Variants in LNPEP observed in about 807,000 individuals in gnomAD.
LNPEP encodes leucyl-cystinyl aminopeptidase.
A neutral mutation model predicts 120.6 loss-of-function variants in LNPEP; 64 were observed. The ratio of observed to expected loss-of-function variants is 0.53; its 90% CI spans 0.43 to 0.65. The LOEUF (loss-of-function observed/expected upper bound fraction) is 0.65. LNPEP is among the 30% of genes least tolerant of loss of function. The probability of loss-of-function intolerance (pLI) is 0.00; values close to 1 mark genes in which losing one functional copy is unlikely to be tolerated. For missense variants in LNPEP, 1,057 were observed against 1,200.0 expected (o/e 0.88, Z 1.76); for synonymous variants, 435 against 425.4 (o/e 1.02, Z -0.28).
chr5:96,994,089 A>AAT, intron 6 of LNPEP, 118 bp downstream of exon 6: 1 of 790,412 alleles, frequency 1.3e-6, no homozygotes, highest in Non-Finnish European at 2.0e-6. Flanking sequence ...CTTCTTTTAT[A>AAT]ATAGAAAGAT....
chr5:96,993,995 G>A (rs879161370), intron 6 of LNPEP, 24 bp downstream of exon 6: 1 of 1,606,312 alleles, frequency 6.2e-7, no homozygotes, highest in South Asian at 1.1e-5. Flanking sequence ...AGGCTGTTCT[G>A]TGTCACACCT....
chr5:97,008,703 T>C (rs983638189), intron 11 of LNPEP, among the ~76,000 whole-genome samples: 2 of 147,030 alleles, frequency 1.4e-5, no homozygotes, highest in African/African-American at 5.1e-5. Flanking sequence ...CTCGCTCTGT[T>C]GCCCAGGTGA....
At chr5:96,972,523 T>C (rs1789891303) in intron 1 of LNPEP, among the ~76,000 whole-genome samples, 1 of 152,090 alleles carries the variant, frequency 6.6e-6, no homozygotes. Context: ...CAGAAAACCT[T>C]GTGCAAACTT....
chr5:96,996,151 T>C, intron 6 of LNPEP: 1 of 316,038 alleles, frequency 3.2e-6, no homozygotes, highest in South Asian at 9.3e-5. Context: ...CTTTCTTGCT[T>C]GTTTCCCATT....
chr5:96,994,937 G>A (rs530378156), intron 6 of LNPEP, among the ~76,000 whole-genome samples: 8 of 152,188 alleles, frequency 5.3e-5, no homozygotes, highest in South Asian at 2.1e-4. Flanking sequence ...GTGAAACCCC[G>A]TCTCTACTAA....
intron 1 of LNPEP, chr5:96,943,168 A>G: frequency 2.0e-6 from 1 of 504,608 alleles, no homozygotes; most frequent in East Asian, 5.7e-5. Context: ...TTGAGGTTGA[A>G]GTCACCATTG....
At chr5:97,027,651 T>C (rs1791377544) in intron 16 of LNPEP, 82 bp from the exon 17 acceptor site, 2 of 873,484 alleles carry the variant, frequency 2.3e-6, no homozygotes, top group Non-Finnish European at 3.8e-6. Context: ...GCTTTGGCAT[T>C]AAAGACTTTT....
chr5:96,944,819 C>A (rs369229617), intron 1 of LNPEP, among the ~76,000 whole-genome samples: 3 of 152,096 alleles, frequency 2.0e-5, no homozygotes, highest in African/African-American at 4.8e-5. Flanking sequence ...TCATCACCCA[C>A]CTCAGCCTCC....
chr5:96,938,807 G>T (rs1006235354), intron 1 of LNPEP, among the ~76,000 whole-genome samples: 4 of 152,136 alleles, frequency 2.6e-5, no homozygotes, highest in African/African-American at 7.2e-5. Flanking sequence ...CTTTGTCCTT[G>T]GGAGGGATTG....
At chr5:96,974,263 G>T (rs1789938621) in intron 1 of LNPEP, among the ~76,000 whole-genome samples, 1 of 152,028 alleles carries the variant, frequency 6.6e-6, no homozygotes. Flanking sequence ...CTTGCCTTTA[G>T]CTCTGGGCAG....
chr5:96,970,199 G>C (rs1241013047), intron 1 of LNPEP, among the ~76,000 whole-genome samples: 1 of 151,938 alleles, frequency 6.6e-6, no homozygotes, highest in Non-Finnish European at 1.5e-5. Flanking sequence ...TTAGTTAATA[G>C]TATTGTTCCG....
At position 97,022,176 on chromosome 5, in the gene LNPEP, G is replaced by A. The variant is rs139313967; in HGVS notation, c.2377-124G>A. On this transcript the variant is annotated intron_variant, in intron 13 of 17. Coordinates refer to ENST00000231368, the MANE Select transcript of LNPEP (RefSeq NM_005575.3). ...ACTCCTGACCTCAGGTGATCTGCCC[G>A]CCCCAGCTTCCCAACGTGCTGGGAT... The A allele has an allele frequency of 2.1e-3, 1,284 of 618,958 alleles. 21 individuals are homozygous for A. In the Admixed American group the frequency reaches 0.034, roughly 16 times the overall value. The allele number at this position is 618,958 out of a possible 1,614,324, so 38.3% of individuals were successfully genotyped here. A position where few individuals can be genotyped will look rare whatever the true frequency, so the allele number is the denominator to read the frequency against.
intron 14 of LNPEP, among the ~76,000 whole-genome samples, chr5:97,022,872 G>C (rs2112669905): frequency 7.0e-6 from 1 of 142,732 alleles, no homozygotes; most frequent in Middle Eastern, 3.8e-3. Flanking sequence ...CCACCTATGA[G>C]TGAGAACATG....
rs1652854478 is a variant in LNPEP at position 96,998,020 on chromosome 5, G to T, written c.1528G>T (p.Asp510Tyr). 3 of 1,562,184 alleles carry T rather than the reference G, an allele frequency of 1.9e-6. No homozygotes were observed. The highest frequency in any genetic ancestry group is 1.4e-5 in the African/African-American group (1 of 72,788). ...KIFKELSSYEDFLDARFKTMK... is the reference protein window; with the variant it reads ...KIFKELSSYEYFLDARFKTMK... ...TCTTTTCATTTTTTGACAGTATGAAGATTTCTTAGATGCTCGATTTAAAAC... is the reference window on the plus strand; with the variant it reads ...TCTTTTCATTTTTTGACAGTATGAATATTTCTTAGATGCTCGATTTAAAAC... The change falls in exon 8 of 18, where the codon GAT becomes TAT. Residue 510 changes from aspartate (D) to tyrosine (Y), a missense_variant. Asp to Tyr is a radical substitution (Grantham distance 160, BLOSUM62 -3). Transcript: ENST00000231368.
At chr5:97,019,258 GA>G (rs1427801726) in intron 13 of LNPEP, among the ~76,000 whole-genome samples, 1 of 151,938 alleles carries the variant, frequency 6.6e-6, no homozygotes, top group Non-Finnish European at 1.5e-5. Flanking sequence ...TAAAATCATA[GA>G]GTTGCATTCT....
intron 13 of LNPEP, among the ~76,000 whole-genome samples, chr5:97,018,992 A>G (rs945094320): frequency 1.3e-5 from 2 of 152,214 alleles, no homozygotes; most frequent in African/African-American, 4.8e-5. Context: ...TTGGTGGGAT[A>G]AACCTTTTGC....
intron 8 of LNPEP, 29 bp downstream of exon 8, chr5:96,998,174 A>G (rs767291944): frequency 1.3e-6 from 2 of 1,550,092 alleles, no homozygotes; most frequent in Admixed American, 4.1e-5. Flanking sequence ...AGGTAGCTGG[A>G]GTGGGTTTAA....
Position 96,979,892 on chromosome 5 carries a change from G to T in LNPEP, c.774G>T (p.Thr258=). 6.2e-7 allele frequency: 1 copy of T among 1,613,856 alleles called. No homozygotes were observed. ...CCCTTCTAGCAGGGCACAATTATAC[G>T]TTGAAGATAGAGTACTCGGCAAATA... The part of the protein sequence containing the change: ...PEALLAGHNY[T]LKIEYSANIS... Residue 258 remains threonine, a synonymous_variant, in exon 2 of 18, where the codon ACG becomes ACT. Coordinates refer to ENST00000231368, the MANE Select transcript of LNPEP (RefSeq NM_005575.3).
At position 97,013,678 on chromosome 5, in the gene LNPEP, G is replaced by T; in HGVS notation, c.2066G>T (p.Trp689Leu). The T allele has an allele frequency of 6.4e-7, 1 of 1,566,560 alleles. No homozygotes were observed. Among genetic ancestry groups the T allele is most frequent in the Non-Finnish European group, 8.6e-7 (1 of 1,156,170 alleles). The stretch of plus-strand genomic sequence containing the variant: ...ATCAATCTTACAGAAGAAGTGCTGT[G>T]GGTCAAAGTGAATATAAACATGAAT... The part of the protein sequence containing the change: ...GVINLTEEVL[W>L]VKVNINMNGY... Residue 689 changes from tryptophan to leucine, a missense_variant, in exon 12 of 18, where the codon TGG becomes TTG. Transcript: ENST00000231368.
Sources: gnomAD v4.1 joint callset for allele counts (sites outside exome capture counted in the v4.1 genomes callset) on GRCh38, gnomAD v4.1.1 for gene constraint, MANE v1.5 for transcripts, NCBI Gene and HGNC (gene_info 2026-07-23, HGNC 2026-07-21) for gene names.